The following CBLN2 variants were observed in gnomAD, a reference collection of about 807,000 sequenced individuals.
CBLN2 encodes cerebellin 2 precursor, also known as cerebellin-2.
In CBLN2, 7 loss-of-function variants were observed where a neutral mutation model predicts 15.0. The ratio of observed to expected loss-of-function variants is 0.47; its 90% confidence interval spans 0.27 to 0.88. CBLN2 has a LOEUF of 0.88. Ranked by LOEUF, CBLN2 falls within the 40% of genes least tolerant of loss-of-function variation. The probability of loss-of-function intolerance (pLI) is 0.14; values close to 1 mark genes in which losing one functional copy is unlikely to be tolerated. For missense variants in CBLN2, 242 were observed against 304.5 expected, an observed-to-expected ratio of 0.79 and a Z score of 1.53; for synonymous variants, 149 against 135.2, an observed-to-expected ratio of 1.10 and a Z score of -0.71.
intron 1 of CBLN2, among the ~76,000 whole-genome samples, chr18:72,610,088 C>T (rs1050742847): frequency 2.0e-5 from 3 of 152,180 alleles, no homozygotes; most frequent in African/African-American, 7.2e-5. Flanking sequence ...ACACACTCAG[C>T]TCTTCCCACC....
intron 1 of CBLN2, chr18:72,631,099 A>G (rs1568137423): frequency 6.6e-6 from 1 of 152,184 alleles, no homozygotes; most frequent in Non-Finnish European, 1.5e-5. Flanking sequence ...ACACAAACAT[A>G]CTAACAAGGA....
Position 72,538,792 on chromosome 18 carries a change from A to G in CBLN2, c.358-20T>C. 1 of 1,611,856 alleles carries G rather than the reference A, an allele frequency of 6.2e-7. No homozygotes were observed. The highest frequency in any genetic ancestry group is 1.3e-5 in the African/African-American group (1 of 74,986). On this transcript the variant is annotated intron_variant, in intron 3 of 4. Coordinates refer to ENST00000269503, the MANE Select transcript of CBLN2 (RefSeq NM_182511.4). ...TAATACCTGAAAAAGAAGAGGGAAC[A>G]CAGCACACAATGGCAAGCCCCTCCT...
chr18:72,539,010 C>A, intron 3 of CBLN2: 1 of 458,120 alleles, frequency 2.2e-6, no homozygotes, highest in East Asian at 3.5e-5. Flanking sequence ...ATTTCTAAAG[C>A]ATATTTTAAT....
intron 1 of CBLN2, among the ~76,000 whole-genome samples, chr18:72,551,198 C>T (rs951000635): frequency 2.0e-5 from 3 of 151,962 alleles, no homozygotes; most frequent in South Asian, 2.1e-4. Context: ...TACCATGTAT[C>T]TTCATACTCA....
intron 1 of CBLN2, among the ~76,000 whole-genome samples, chr18:72,603,670 G>C (rs115083589): frequency 6.6e-6 from 1 of 152,156 alleles, no homozygotes; most frequent in African/African-American, 2.4e-5. Flanking sequence ...ATCAGTCTGA[G>C]CACTTCACTG....
intron 1 of CBLN2, among the ~76,000 whole-genome samples, chr18:72,578,213 A>G (rs1328114724): frequency 6.6e-6 from 1 of 152,222 alleles, no homozygotes; most frequent in African/African-American, 2.4e-5. Flanking sequence ...TTTAATTAGC[A>G]AAGTTTTCAT....
chr18:72,620,326 CA>C (rs2069691855), intron 1 of CBLN2: 1 of 152,022 alleles, frequency 6.6e-6, no homozygotes, highest in Non-Finnish European at 1.5e-5. Flanking sequence ...GTAGCAGGAA[CA>C]AATTGAAGGA....
At chr18:72,548,460 G>A (rs2069172401), upstream of CBLN2, among the ~76,000 whole-genome samples, 2 of 152,158 alleles carry the variant, frequency 1.3e-5, 1 homozygote, top group South Asian at 4.1e-4. Context: ...GGACTATTTT[G>A]TTTTTAAACT....
At chr18:72,602,562 C>T (rs2069555878) in intron 1 of CBLN2, among the ~76,000 whole-genome samples, 1 of 152,134 alleles carries the variant, frequency 6.6e-6, no homozygotes, top group Admixed American at 6.5e-5. Flanking sequence ...CAGCCGTCCC[C>T]AGTCAATCAA....
chr18:72,615,282 A>ATT (rs201338200), intron 1 of CBLN2, among the ~76,000 whole-genome samples: 58 of 81,876 alleles, frequency 7.1e-4, no homozygotes, highest in South Asian at 2.0e-3. Context: ...ATATATATAT[A>ATT]TTTTTTTTTT....
At chr18:72,580,407 A>G (rs2069395347) in intron 1 of CBLN2, among the ~76,000 whole-genome samples, 1 of 152,176 alleles carries the variant, frequency 6.6e-6, no homozygotes, top group African/African-American at 2.4e-5. Context: ...ATATTGACAG[A>G]AAGCCAGCAT....
chr18:72,564,963 G>C (rs1229223341), intron 1 of CBLN2, among the ~76,000 whole-genome samples: 1 of 152,200 alleles, frequency 6.6e-6, no homozygotes, highest in African/African-American at 2.4e-5. Flanking sequence ...TTTCTCAGCA[G>C]GAGCAGTTAG....
upstream of CBLN2, among the ~76,000 whole-genome samples, chr18:72,545,948 A>G (rs2069154780): frequency 6.6e-6 from 1 of 152,206 alleles, no homozygotes; most frequent in Admixed American, 6.5e-5. Context: ...TTTAGATTAT[A>G]TATATGTAGA....
Position 72,595,314 on chromosome 18 carries a change from AT to A in CBLN2, c.15+43010del, listed in dbSNP as rs565476473. On this transcript the variant is annotated intron_variant, in intron 1 of 2. Transcript: ENST00000581073. ...TGGTCATTCAGGAGCATATTCTTTA[AT>A]TTTTGTGTGTTTGCATAGCTTTCAA... Among the ~76,000 whole-genome samples, 892 of 151,878 alleles carry A rather than the reference AT, an allele frequency of 5.9e-3. 2 individuals carry two copies. Among genetic ancestry groups the A allele is most frequent in the Non-Finnish European group, 9.1e-3 (619 of 67,892 alleles).
chr18:72,619,325 G>A lies in CBLN2; in HGVS notation c.15+19000C>T, dbSNP rs765845241. On this transcript the variant is annotated intron_variant, in intron 1 of 2. Coordinates refer to the CBLN2 transcript ENST00000581073. ...TGTGAACTCAGCCAAGCACAGTGGT[G>A]GCAGGGCCTAGCTGCTACAAAGAAG... 5.7e-4 allele frequency: 318 copies of A among 558,212 alleles called. 1 individual carries two copies. The highest frequency in any genetic ancestry group is 1.9e-4 in the Non-Finnish European group (55 of 296,800). The allele number at this position is 558,212 out of a possible 1,614,324, so 34.6% of individuals were successfully genotyped here.
chr18:72,563,899 A>T (rs576135415), intron 1 of CBLN2, among the ~76,000 whole-genome samples: 1 of 152,364 alleles, frequency 6.6e-6, no homozygotes, highest in Admixed American at 6.5e-5. Flanking sequence ...ACTCCTACAG[A>T]GTAGGCTACT....
intron 1 of CBLN2, among the ~76,000 whole-genome samples, chr18:72,549,878 C>A (rs1325496613): frequency 6.6e-6 from 1 of 151,906 alleles, no homozygotes; most frequent in Non-Finnish European, 1.5e-5. Context: ...CAAATGCTTA[C>A]CTAGGGTTGA....
chr18:72,627,242 G>T (rs572808793), intron 1 of CBLN2, among the ~76,000 whole-genome samples: 14 of 152,146 alleles, frequency 9.2e-5, no homozygotes, highest in Admixed American at 5.2e-4. Context: ...AAATATATTC[G>T]GGATGCTATT....
At chr18:72,550,993 G>A (rs1405880196) in intron 1 of CBLN2, among the ~76,000 whole-genome samples, 8 of 151,956 alleles carry the variant, frequency 5.3e-5, no homozygotes, top group Non-Finnish European at 7.4e-5. Context: ...GTAATGCAGG[G>A]CACAGTGTAA....
Sources: gnomAD v4.1 joint callset for allele counts (sites outside exome capture counted in the v4.1 genomes callset) on GRCh38, gnomAD v4.1.1 for gene constraint, MANE v1.5 for transcripts, NCBI Gene and HGNC (gene_info 2026-07-23, HGNC 2026-07-21) for gene names.